Variants in PGCKA1 observed in about 807,000 individuals in gnomAD.
PGCKA1 encodes PDCD10 and GCKIII kinases-associated protein 1.
the PGCKA1 span, among the ~76,000 whole-genome samples, chr4:37,592,459 G>C: frequency 1.3e-5 from 2 of 151,738 alleles, no homozygotes; most frequent in African/African-American, 4.8e-5. Flanking sequence ...CAAACTTGAT[G>C]CCATAACTAA....
the PGCKA1 span, among the ~76,000 whole-genome samples, chr4:37,464,132 G>GGAA: frequency 3.9e-5 from 6 of 152,138 alleles, no homozygotes; most frequent in Non-Finnish European, 8.8e-5. Context: ...CAGTTTAAGT[G>GGAA]AGCCCTTTGG....
the PGCKA1 span, among the ~76,000 whole-genome samples, chr4:37,485,093 G>A: frequency 1.3e-5 from 2 of 152,106 alleles, no homozygotes; most frequent in Non-Finnish European, 2.9e-5. Context: ...TTGACTTCAG[G>A]TTTCCTATGT....
At chr4:37,466,436 TACAAC>T in the PGCKA1 span, among the ~76,000 whole-genome samples, 8 of 152,124 alleles carry the variant, frequency 5.3e-5, no homozygotes, top group African/African-American at 1.7e-4. Flanking sequence ...TTGCAGACAA[TACAAC>T]CTTATAGTTG....
chr4:37,565,518 C>T, the PGCKA1 span, among the ~76,000 whole-genome samples: 1 of 152,192 alleles, frequency 6.6e-6, no homozygotes, highest in Admixed American at 6.5e-5. Context: ...CTTCCTCCCC[C>T]AGGCTCTTCC....
the PGCKA1 span, among the ~76,000 whole-genome samples, chr4:37,467,681 C>A: frequency 1.3e-5 from 2 of 152,228 alleles, no homozygotes; most frequent in Admixed American, 6.5e-5. Flanking sequence ...GTCTAGAATT[C>A]TTTCTCCTAC....
At chr4:37,575,651 G>C in the PGCKA1 span, among the ~76,000 whole-genome samples, 2 of 151,808 alleles carry the variant, frequency 1.3e-5, no homozygotes, top group Admixed American at 6.6e-5. Flanking sequence ...TTGTTTCTTG[G>C]GTATTACTCA....
chr4:37,553,622 T>C, the PGCKA1 span, among the ~76,000 whole-genome samples: 2 of 152,224 alleles, frequency 1.3e-5, no homozygotes, highest in African/African-American at 4.8e-5. Flanking sequence ...GTAACCATGA[T>C]GTGCCAATGA....
the PGCKA1 span, chr4:37,460,540 T>G: frequency 2.2e-6 from 1 of 453,676 alleles, no homozygotes; most frequent in Non-Finnish European, 4.4e-6. Flanking sequence ...CTGACTGGTA[T>G]GCTGTGGAAT....
the PGCKA1 span, among the ~76,000 whole-genome samples, chr4:37,496,142 C>T: frequency 6.6e-6 from 1 of 152,112 alleles, no homozygotes; most frequent in African/African-American, 2.4e-5. Flanking sequence ...ATTTGTCAAC[C>T]TTTGCTTTTG....
the PGCKA1 span, among the ~76,000 whole-genome samples, chr4:37,535,669 G>A: frequency 3.9e-5 from 6 of 152,152 alleles, no homozygotes; most frequent in East Asian, 1.9e-4. Flanking sequence ...ACTGAAAATC[G>A]CTATTTCATG....
the PGCKA1 span, among the ~76,000 whole-genome samples, chr4:37,583,255 A>G: frequency 6.6e-6 from 1 of 152,082 alleles, no homozygotes; most frequent in Middle Eastern, 3.2e-3. Context: ...GTCTTTTCCT[A>G]TATGCCCTTG....
chr4:37,498,557 G>A, the PGCKA1 span, among the ~76,000 whole-genome samples: 1 of 152,088 alleles, frequency 6.6e-6, no homozygotes, highest in South Asian at 2.1e-4. Flanking sequence ...GTTTTCATTT[G>A]TTTGTGTTGT....
the PGCKA1 span, among the ~76,000 whole-genome samples, chr4:37,506,932 T>C: frequency 2.7e-4 from 41 of 152,258 alleles, no homozygotes; most frequent in African/African-American, 5.8e-4. Context: ...TTAGCTCTAA[T>C]AATATTTGCT....
chr4:37,543,659 T>A, the PGCKA1 span, among the ~76,000 whole-genome samples: 1 of 43,754 alleles, frequency 2.3e-5, no homozygotes, highest in Non-Finnish European at 4.6e-5. Flanking sequence ...GAAACCCATC[T>A]CTACTGAAAA....
At chr4:37,577,164 GTTC>G in the PGCKA1 span, among the ~76,000 whole-genome samples, 1 of 152,152 alleles carries the variant, frequency 6.6e-6, no homozygotes, top group South Asian at 2.1e-4. Context: ...ATTGGTATTA[GTTC>G]TTCTTTAAAT....
At chr4:37,588,777 A>T in the PGCKA1 span, 4 of 1,188,398 alleles carry the variant, frequency 3.4e-6, no homozygotes, top group African/African-American at 4.6e-5. Context: ...AGGGAAAAAA[A>T]AAGGCAAACT....
the PGCKA1 span, among the ~76,000 whole-genome samples, chr4:37,477,593 G>T: frequency 1.3e-5 from 2 of 152,138 alleles, no homozygotes; most frequent in African/African-American, 2.4e-5. Context: ...TAATAAAGTG[G>T]CAGACTTCTA....
the PGCKA1 span, among the ~76,000 whole-genome samples, chr4:37,566,893 C>T: frequency 6.6e-6 from 1 of 152,244 alleles, no homozygotes; most frequent in African/African-American, 2.4e-5. Flanking sequence ...TGAGGCCTTT[C>T]TTGTACCAAG....
At chr4:37,511,856 C>T in the PGCKA1 span, among the ~76,000 whole-genome samples, 4 of 152,192 alleles carry the variant, frequency 2.6e-5, no homozygotes, top group African/African-American at 7.2e-5. Flanking sequence ...AGCAGTCTAG[C>T]GCCCAAGAGC....
Sources: allele counts gnomAD v4.1 joint callset (sites outside exome capture counted in the v4.1 genomes callset), GRCh38; gene constraint gnomAD v4.1.1; transcripts MANE v1.5; gene names NCBI Gene and HGNC (gene_info 2026-07-23, HGNC 2026-07-21).